TUBB6: variants seen among roughly 807,000 people sequenced by gnomAD.
The protein encoded by TUBB6 is tubulin beta-6 chain.
Under a neutral mutation model 32.3 loss-of-function variants are expected in TUBB6, and 18 were observed. That is an observed-to-expected ratio of 0.56 (90% CI 0.39 to 0.83). The LOEUF is 0.83. Ranked by LOEUF, TUBB6 falls within the 40% of genes least tolerant of loss-of-function variation. The pLI is 0.00. For synonymous variants in TUBB6, 280 were observed against 265.8 expected (o/e 1.05, Z -0.52); for missense variants, 480 against 632.0 (o/e 0.76, Z 2.58).
chr18:12,314,646 AAG>A (rs1189035183), intron 3 of TUBB6, among the ~76,000 whole-genome samples: 1 of 152,166 alleles, frequency 6.6e-6, no homozygotes, highest in Non-Finnish European at 1.5e-5. Context: ...ATAGATAAAA[AAG>A]ATCTTAAAGT....
chr18:12,326,384 G>T lies in TUBB6; in HGVS notation c.*254G>T. The T allele has an allele frequency of 2.0e-6, 1 of 490,902 alleles. No individual in the cohort carries two copies. The highest frequency in any genetic ancestry group is 3.5e-6 in the Non-Finnish European group (1 of 285,024). The allele number at this position is 490,902 out of a possible 1,614,324, so 30.4% of individuals were successfully genotyped here. ...TAGAGGACTTGAAAGAGAACTGAGG[G>T]GCCACAAAATAAACTTCACCTTCCA... is the stretch of plus-strand genomic sequence containing the variant. On this transcript the variant is annotated 3_prime_UTR_variant, in exon 4 of 4. Transcript: ENST00000317702.
Position 12,325,043 on chromosome 18 carries a change from G to A in TUBB6, c.278-24G>A, listed in dbSNP as rs74724184. Reference sequence around the variant, plus strand: ...TGGCGCAGCCCTTTCCTGTTTAAACGGCACGGGACTCTCTTTGTTGCAGGC... The same window carrying A: ...TGGCGCAGCCCTTTCCTGTTTAAACAGCACGGGACTCTCTTTGTTGCAGGC... On this transcript the variant is annotated intron_variant, in intron 3 of 3. Transcript: ENST00000317702. The A allele has an allele frequency of 5.2e-5, 81 of 1,545,020 alleles. No homozygotes were observed. The African/African-American group carries it at 1.1e-3, about 21-fold the overall frequency.
At chr18:12,317,055 C>T (rs548918289) in intron 3 of TUBB6, among the ~76,000 whole-genome samples, 65 of 151,364 alleles carry the variant, frequency 4.3e-4, no homozygotes, top group African/African-American at 1.5e-3. Context: ...ACTCGGGAGG[C>T]TGAGGCAGGA....
At chr18:12,324,445 C>CTTTTT (rs201642073) in intron 3 of TUBB6, among the ~76,000 whole-genome samples, 2 of 144,286 alleles carry the variant, frequency 1.4e-5, no homozygotes, top group Non-Finnish European at 1.5e-5. Context: ...AAGGAGAGAA[C>CTTTTT]TTTTTTTTTT....
At chr18:12,313,709 G>C (rs935052371) in intron 3 of TUBB6, among the ~76,000 whole-genome samples, 1 of 152,226 alleles carries the variant, frequency 6.6e-6, no homozygotes, top group African/African-American at 2.4e-5. Flanking sequence ...GTTGGTGAAG[G>C]TGTTTGGGAA....
At chr18:12,317,653 C>T (rs527420822) in intron 3 of TUBB6, among the ~76,000 whole-genome samples, 4 of 152,286 alleles carry the variant, frequency 2.6e-5, no homozygotes, top group East Asian at 3.9e-4. Context: ...CAGGAGTGCA[C>T]AGACCCTTGA....
intron 3 of TUBB6, 190 bp from the exon 4 acceptor site, chr18:12,324,877 C>T: frequency 1.7e-5 from 24 of 1,404,538 alleles, no homozygotes; most frequent in Non-Finnish European, 2.2e-5. Flanking sequence ...CCAGTAGCTA[C>T]TTTGACTTGC....
Position 12,314,307 on chromosome 18 carries a change from C to A in TUBB6, c.277+3254C>A, listed in dbSNP as rs575305330. On this transcript the variant is annotated intron_variant, in intron 3 of 3. Transcript: ENST00000317702. The stretch of plus-strand genomic sequence containing the variant: ...AGAAGAAATGGCCCTATCTCCCCCA[C>A]TTGTTGTAGAATTCTGCCCAGTCTT... 2.0e-5 allele frequency among the ~76,000 whole-genome samples: 3 copies of A among 152,154 alleles called. No homozygotes were observed. The East Asian group carries it at 5.9e-4, about 30-fold the overall frequency.
intron 3 of TUBB6, among the ~76,000 whole-genome samples, chr18:12,323,073 A>G (rs1171640850): frequency 6.6e-6 from 1 of 152,134 alleles, no homozygotes; most frequent in Non-Finnish European, 1.5e-5. Flanking sequence ...TCATTAGCCA[A>G]GTGTAGTGGC....
intron 3 of TUBB6, among the ~76,000 whole-genome samples, chr18:12,322,668 C>T (rs1409762981): frequency 6.6e-6 from 1 of 152,120 alleles, no homozygotes; most frequent in African/African-American, 2.4e-5. Context: ...AATTCATTCC[C>T]ATTTACATAT....
chr18:12,309,291 T>A (rs1906214331), intron 2 of TUBB6, among the ~76,000 whole-genome samples: 1 of 149,914 alleles, frequency 6.7e-6, no homozygotes, highest in Non-Finnish European at 1.5e-5. Flanking sequence ...AGGTCGAGGC[T>A]GCAGTGAGCT....
Position 12,326,287 on chromosome 18 carries a change from A to C in TUBB6, c.*157A>C. The C allele has an allele frequency of 8.8e-7, 1 of 1,135,124 alleles. No homozygotes were observed. Among genetic ancestry groups the C allele is most frequent in the Non-Finnish European group, 1.2e-6 (1 of 827,418 alleles). The allele number at this position is 1,135,124 out of a possible 1,614,324, so 70.3% of individuals were successfully genotyped here. ...CCAAGTCATGTAATTAGTCATCTGG[A>C]ACAAAGACTAAAAACAGCAGAGAAT... On this transcript the variant is annotated 3_prime_UTR_variant, in exon 4 of 4. Coordinates refer to ENST00000317702, the MANE Select transcript of TUBB6 (RefSeq NM_032525.3).
chr18:12,315,711 G>A (rs1343041794), intron 3 of TUBB6, among the ~76,000 whole-genome samples: 2 of 152,326 alleles, frequency 1.3e-5, no homozygotes, highest in South Asian at 2.1e-4. Context: ...CTCAGCGCAC[G>A]CTGCACTGTT....
At position 12,324,711 on chromosome 18, in the gene TUBB6, A is replaced by G. The variant is rs761738622; in HGVS notation, c.278-356A>G. 4.7e-4 allele frequency: 546 copies of G among 1,155,964 alleles called. 1 individual carries two copies. The highest frequency in any genetic ancestry group is 1.6e-3 in the South Asian group (37 of 23,488). 71.6% of individuals were successfully genotyped at this position (1,155,964 alleles called of 1,614,324 possible). A position where few individuals can be genotyped will look rare whatever the true frequency, so the allele number is the denominator to read the frequency against. On this transcript the variant is annotated intron_variant, in intron 3 of 3. Coordinates refer to ENST00000317702, the MANE Select transcript of TUBB6 (RefSeq NM_032525.3). Reference sequence around the variant, plus strand: ...AGTGATCCACCCGCCTCGGCCTCCCAAAGTGCTGGGATTACAGGCATGAGC... The same window carrying G: ...AGTGATCCACCCGCCTCGGCCTCCCGAAGTGCTGGGATTACAGGCATGAGC...
chr18:12,318,489 G>A (rs1239599323), intron 3 of TUBB6, among the ~76,000 whole-genome samples: 3 of 151,092 alleles, frequency 2.0e-5, no homozygotes, highest in Non-Finnish European at 2.9e-5. Flanking sequence ...AGGCCCACGG[G>A]GTGTGCTGCA....
rs1239292937 is a variant in TUBB6, at chr18:12,326,505, T to C, written c.*375T>C. On this transcript the variant is annotated 3_prime_UTR_variant, in exon 4 of 4. Transcript: ENST00000317702. ...CCTGAAATTGTGCCGTGTTGCCTTA[T>C]ATGAATATGCAGTATGGGACTTTGA... The C allele has an allele frequency of 1.2e-5, 3 of 247,988 alleles. No homozygotes were observed. The highest frequency in any genetic ancestry group is 2.3e-5 in the Non-Finnish European group (3 of 128,544). The allele number at this position is 247,988 out of a possible 1,614,324, so 15.4% of individuals were successfully genotyped here.
At chr18:12,308,837 C>T (rs781454401) in intron 2 of TUBB6, 42 bp downstream of exon 2, 2 of 1,346,310 alleles carry the variant, frequency 1.5e-6, no homozygotes, top group African/African-American at 2.9e-5. Flanking sequence ...CCGGGACCCG[C>T]GTGGACGCTC....
At chr18:12,315,955 A>G (rs1446406172) in intron 3 of TUBB6, among the ~76,000 whole-genome samples, 6 of 152,224 alleles carry the variant, frequency 3.9e-5, no homozygotes, top group Admixed American at 3.9e-4. Context: ...CAAAAAAAAG[A>G]TATCAGTTGT....
At chr18:12,309,030 G>A (rs1906193081) in intron 2 of TUBB6, among the ~76,000 whole-genome samples, 1 of 152,224 alleles carries the variant, frequency 6.6e-6, no homozygotes, top group Non-Finnish European at 1.5e-5. Context: ...TTAGCGTTGT[G>A]AAATCAACGT....
Sources: allele counts gnomAD v4.1 joint callset (sites outside exome capture counted in the v4.1 genomes callset), GRCh38; gene constraint gnomAD v4.1.1; transcripts MANE v1.5; gene names NCBI Gene and HGNC (gene_info 2026-07-23, HGNC 2026-07-21).